LRBA: variants seen among roughly 807,000 people sequenced by gnomAD.
The protein encoded by LRBA is LPS responsive beige-like anchor protein.
Under a neutral mutation model 330.0 loss-of-function variants are expected in LRBA, and 176 were observed. That is an observed-to-expected ratio of 0.53 (90% CI 0.47 to 0.60). LRBA has a LOEUF of 0.60. LRBA is among the 20% of genes least tolerant of loss of function. LRBA has a pLI of 0.00. For synonymous variants in LRBA, 1,230 were observed against 1,193.0 expected (o/e 1.03, Z -0.64); for missense variants, 3,259 against 3,444.8 (o/e 0.95, Z 1.35).
intron 40 of LRBA, among the ~76,000 whole-genome samples, chr4:150,575,456 A>C (rs555301571): frequency 2.6e-5 from 4 of 151,926 alleles, no homozygotes; most frequent in Non-Finnish European, 4.4e-5. Context: ...AATTACTACT[A>C]TTCATAATAA....
intron 37 of LRBA, among the ~76,000 whole-genome samples, chr4:150,673,832 G>T (rs61371689): frequency 0.1 from 15,433 of 152,040 alleles, 1,630 homozygotes; most frequent in African/African-American, 0.28. Flanking sequence ...ACTAATATTT[G>T]AATAATATTG....
chr4:150,666,849 T>C (rs1781608676), intron 37 of LRBA, among the ~76,000 whole-genome samples: 1 of 152,234 alleles, frequency 6.6e-6, no homozygotes, highest in Non-Finnish European at 1.5e-5. Flanking sequence ...TATTTTTTTA[T>C]ATTATTGATG....
At chr4:150,632,923 G>C (rs1232752464) in intron 37 of LRBA, among the ~76,000 whole-genome samples, 1 of 152,154 alleles carries the variant, frequency 6.6e-6, no homozygotes, top group Admixed American at 6.6e-5. Flanking sequence ...CTAAGTTAGA[G>C]TTTCTTTCTA....
At chr4:150,401,772 C>T (rs1209227150) in intron 47 of LRBA, among the ~76,000 whole-genome samples, 3 of 151,954 alleles carry the variant, frequency 2.0e-5, no homozygotes, top group Non-Finnish European at 4.4e-5. Flanking sequence ...TTAGGAGGTA[C>T]ACACTGAAAT....
At chr4:150,773,259 G>A (rs1157752686) in intron 34 of LRBA, among the ~76,000 whole-genome samples, 1 of 152,162 alleles carries the variant, frequency 6.6e-6, no homozygotes, top group Non-Finnish European at 1.5e-5. Flanking sequence ...ACTAAATTAT[G>A]ACATACAGCT....
intron 34 of LRBA, among the ~76,000 whole-genome samples, chr4:150,784,770 A>G (rs1194337992): frequency 2.6e-5 from 4 of 151,576 alleles, no homozygotes; most frequent in Non-Finnish European, 1.5e-5. Flanking sequence ...AAACCACTCC[A>G]CGTGTGTCAG....
intron 53 of LRBA, among the ~76,000 whole-genome samples, chr4:150,296,880 C>A (rs1224325594): frequency 6.6e-6 from 1 of 152,032 alleles, no homozygotes; most frequent in Non-Finnish European, 1.5e-5. Flanking sequence ...GGTAGTTCTA[C>A]CAATAATGTT....
chr4:150,808,274 C>A (rs770925049), intron 32 of LRBA, 46 bp downstream of exon 32: 1 of 1,239,738 alleles, frequency 8.1e-7, no homozygotes, highest in South Asian at 1.3e-5. Flanking sequence ...CTTAAAAAGT[C>A]ATCAAAAGGT....
At chr4:150,902,295 A>G (rs115414192) in intron 13 of LRBA, among the ~76,000 whole-genome samples, 22 of 152,322 alleles carry the variant, frequency 1.4e-4, no homozygotes, top group African/African-American at 5.3e-4. Context: ...TGATGGTTGA[A>G]ATAAAGGTTT....
chr4:150,438,156 A>C (rs1271705335), intron 44 of LRBA, among the ~76,000 whole-genome samples: 1 of 152,216 alleles, frequency 6.6e-6, no homozygotes, highest in African/African-American at 2.4e-5. Flanking sequence ...CCACTCACTG[A>C]AAAAGACATG....
intron 2 of LRBA, among the ~76,000 whole-genome samples, chr4:150,954,091 G>T (rs1209430): frequency 1.4e-5 from 2 of 146,622 alleles, no homozygotes; most frequent in Middle Eastern, 3.6e-3. Flanking sequence ...CCCAGCAGCC[G>T]CCCCGTCTGG....
intron 47 of LRBA, among the ~76,000 whole-genome samples, chr4:150,377,970 CAA>C (rs5862918): frequency 3.8e-5 from 5 of 131,008 alleles, no homozygotes; most frequent in Non-Finnish European, 3.2e-5. Flanking sequence ...GACTCTGTCT[CAA>C]AAAAAAAAAA....
intron 42 of LRBA, among the ~76,000 whole-genome samples, chr4:150,479,990 C>G (rs989782657): frequency 3.3e-5 from 5 of 152,180 alleles, no homozygotes; most frequent in Admixed American, 6.5e-5. Flanking sequence ...TAAAAATAAA[C>G]ACTGATCAAA....
At chr4:150,797,358 T>C (rs1740938970) in intron 34 of LRBA, among the ~76,000 whole-genome samples, 1 of 151,900 alleles carries the variant, frequency 6.6e-6, no homozygotes, top group South Asian at 2.1e-4. Context: ...AAAAAGGCTA[T>C]TTTAAAGTTT....
intron 40 of LRBA, among the ~76,000 whole-genome samples, chr4:150,516,570 A>G (rs1448088495): frequency 6.6e-6 from 1 of 152,100 alleles, no homozygotes; most frequent in Admixed American, 6.5e-5. Flanking sequence ...TACTTATAAA[A>G]TAAAAAATGA....
intron 11 of LRBA, among the ~76,000 whole-genome samples, chr4:150,907,884 CTA>C (rs1288101814): frequency 1.3e-5 from 2 of 151,904 alleles, no homozygotes; most frequent in African/African-American, 4.8e-5. Flanking sequence ...TTCGATAACA[CTA>C]TTAAAATTTT....
At chr4:150,687,589 T>C (rs180734184) in intron 36 of LRBA, among the ~76,000 whole-genome samples, 199 of 152,212 alleles carry the variant, frequency 1.3e-3, no homozygotes, top group African/African-American at 4.6e-3. Context: ...TGATTATTGC[T>C]AAAGAAACCT....
rs781449016 is a variant in LRBA, at chr4:150,300,308, C to T, written c.8017+2317G>A. Among the ~76,000 whole-genome samples the T allele has an allele frequency of 2.0e-5, 3 of 152,124 alleles. No individual in the cohort carries two copies. In the South Asian group the frequency reaches 6.2e-4, roughly 32 times the overall value. Reference sequence around the variant, plus strand: ...AATTTAATTCAGTCAAGATACATTACAATTTTCTAAAATTTTTATTAGATG... The same window carrying T: ...AATTTAATTCAGTCAAGATACATTATAATTTTCTAAAATTTTTATTAGATG... On this transcript the variant is annotated intron_variant, in intron 53 of 56. Transcript: ENST00000651943.
chr4:150,925,499 T>C (rs905592063), intron 4 of LRBA, among the ~76,000 whole-genome samples: 2 of 152,214 alleles, frequency 1.3e-5, no homozygotes, highest in Non-Finnish European at 2.9e-5. Context: ...CCTCTTGAGG[T>C]TGGCTCCACT....
Sources: gnomAD v4.1 joint callset for allele counts (sites outside exome capture counted in the v4.1 genomes callset) on GRCh38, gnomAD v4.1.1 for gene constraint, MANE v1.5 for transcripts, NCBI Gene and HGNC (gene_info 2026-07-23, HGNC 2026-07-21) for gene names.